The following TRIM9 variants were observed in gnomAD, a reference collection of about 807,000 sequenced individuals.
TRIM9 encodes tripartite motif containing 9, also known as E3 ubiquitin-protein ligase TRIM9.
A neutral mutation model predicts 78.3 loss-of-function variants in TRIM9; 26 were observed. The ratio of observed to expected loss-of-function variants is 0.33; its 90% CI spans 0.24 to 0.46. The LOEUF is 0.46. TRIM9 is among the 20% of genes least tolerant of loss of function. The pLI is 1.00. For missense variants in TRIM9, 787 were observed against 1,036.4 expected, an observed-to-expected ratio of 0.76 and a Z score of 3.30; for synonymous variants, 398 against 416.5, an observed-to-expected ratio of 0.96 and a Z score of 0.54.
At chr14:51,081,763 T>C (rs1485998457) in intron 1 of TRIM9, among the ~76,000 whole-genome samples, 3 of 152,200 alleles carry the variant, frequency 2.0e-5, no homozygotes, top group African/African-American at 7.2e-5. Context: ...ACTTTACTTA[T>C]ATTTACTGGT....
intron 3 of TRIM9, among the ~76,000 whole-genome samples, chr14:51,014,651 T>C (rs150357335): frequency 3.1e-4 from 47 of 152,322 alleles, no homozygotes; most frequent in Non-Finnish European, 2.1e-4. Flanking sequence ...TATAAATACT[T>C]TCTCTCTAGT....
chr14:51,067,582 C>G (rs1470760112), intron 1 of TRIM9, among the ~76,000 whole-genome samples: 1 of 152,208 alleles, frequency 6.6e-6, no homozygotes, highest in Non-Finnish European at 1.5e-5. Flanking sequence ...TCCCACTTTG[C>G]TGTAGCCCAC....
intron 8 of TRIM9, among the ~76,000 whole-genome samples, chr14:50,984,515 T>C (rs1246912564): frequency 6.6e-6 from 1 of 152,230 alleles, no homozygotes; most frequent in Non-Finnish European, 1.5e-5. Flanking sequence ...CAATTATCAC[T>C]TCAATTCCTA....
chr14:51,023,515 C>G (rs2057951554), intron 2 of TRIM9, among the ~76,000 whole-genome samples: 1 of 152,176 alleles, frequency 6.6e-6, no homozygotes, highest in Admixed American at 6.5e-5. Flanking sequence ...ATGTGTGTAA[C>G]AGGGATCACC....
At chr14:51,040,527 G>C (rs959428373) in intron 1 of TRIM9, among the ~76,000 whole-genome samples, 2 of 152,172 alleles carry the variant, frequency 1.3e-5, no homozygotes, top group African/African-American at 2.4e-5. Context: ...GGAGTGACTG[G>C]AGCCCTGGAG....
intron 3 of TRIM9, among the ~76,000 whole-genome samples, chr14:51,022,466 A>G (rs935421341): frequency 6.6e-6 from 1 of 152,218 alleles, no homozygotes; most frequent in African/African-American, 2.4e-5. Context: ...ATTATTTATA[A>G]TCACCCAGTC....
intron 7 of TRIM9, among the ~76,000 whole-genome samples, chr14:50,991,973 C>A (rs1373194292): frequency 6.6e-6 from 1 of 152,148 alleles, no homozygotes; most frequent in Non-Finnish European, 1.5e-5. Flanking sequence ...ATGCCACTGG[C>A]CCCAGGGCAC....
chr14:51,017,573 G>A (rs1462796576), intron 3 of TRIM9, among the ~76,000 whole-genome samples: 1 of 152,254 alleles, frequency 6.6e-6, no homozygotes. Flanking sequence ...ATATTGGGCA[G>A]TCCCAACCAC....
intron 1 of TRIM9, among the ~76,000 whole-genome samples, chr14:51,079,668 A>G (rs1162054188): frequency 6.6e-6 from 1 of 152,196 alleles, no homozygotes; most frequent in Non-Finnish European, 1.5e-5. Flanking sequence ...AACTGTCAGC[A>G]CTGGGATCTT....
chr14:51,057,256 T>A (rs1349575831), intron 1 of TRIM9, among the ~76,000 whole-genome samples: 1 of 152,248 alleles, frequency 6.6e-6, no homozygotes, highest in Non-Finnish European at 1.5e-5. Context: ...AATGAATTGT[T>A]CTATTACTGC....
At chr14:51,027,813 TC>T (rs2058388392) in intron 1 of TRIM9, among the ~76,000 whole-genome samples, 1 of 150,788 alleles carries the variant, frequency 6.6e-6, no homozygotes. Context: ...AAATTTTTTT[TC>T]ATTGTTACTT....
chr14:51,037,058 T>A (rs1330148932), intron 1 of TRIM9, among the ~76,000 whole-genome samples: 1 of 152,204 alleles, frequency 6.6e-6, no homozygotes, highest in African/African-American at 2.4e-5. Flanking sequence ...TTACTATCTT[T>A]CATCCCATGT....
chr14:51,082,947 T>C (rs973085306), intron 1 of TRIM9, among the ~76,000 whole-genome samples: 2 of 152,204 alleles, frequency 1.3e-5, no homozygotes, highest in Admixed American at 6.5e-5. Flanking sequence ...GTCTTGGCAC[T>C]TGTGAACTGT....
intron 1 of TRIM9, among the ~76,000 whole-genome samples, chr14:51,030,559 TGTGTGTGTGTGTATGAGTGTGCATATG>T (rs1460984354): frequency 1.3e-5 from 2 of 151,510 alleles, no homozygotes; most frequent in South Asian, 2.1e-4. Flanking sequence ...GGACAAAGGA[TGTGTGTGTGTGTATGAGTGTGCATATG>T]GTGTGTGTGT....
chr14:51,091,604 G>T (rs77712910), intron 1 of TRIM9, among the ~76,000 whole-genome samples: 3 of 152,106 alleles, frequency 2.0e-5, no homozygotes, highest in Non-Finnish European at 4.4e-5. Flanking sequence ...AAATAAGGTG[G>T]GGGAGTAATG....
chr14:50,987,944 G>A (rs1432104327), intron 7 of TRIM9, among the ~76,000 whole-genome samples: 1 of 152,096 alleles, frequency 6.6e-6, no homozygotes, highest in East Asian at 1.9e-4. Context: ...GGGACTACAG[G>A]CGTGAGCCAT....
intron 3 of TRIM9, among the ~76,000 whole-genome samples, chr14:51,014,556 T>C (rs1726870634): frequency 6.6e-6 from 1 of 152,232 alleles, no homozygotes; most frequent in South Asian, 2.1e-4. Context: ...GCCCTGTAAT[T>C]AACTTAGAGT....
chr14:51,067,831 A>G (rs1258260540), intron 1 of TRIM9, among the ~76,000 whole-genome samples: 1 of 151,370 alleles, frequency 6.6e-6, no homozygotes, highest in African/African-American at 2.4e-5. Context: ...TTTTCCTCAC[A>G]GCACCAGCCC....
chr14:51,016,479 C>G (rs539262931), intron 3 of TRIM9, among the ~76,000 whole-genome samples: 1 of 149,762 alleles, frequency 6.7e-6, no homozygotes, highest in African/African-American at 2.5e-5. Flanking sequence ...CCCCTACCCC[C>G]CTGCAGCTCT....
Sources: gnomAD v4.1 joint callset for allele counts (sites outside exome capture counted in the v4.1 genomes callset) on GRCh38, gnomAD v4.1.1 for gene constraint, MANE v1.5 for transcripts, NCBI Gene and HGNC (gene_info 2026-07-23, HGNC 2026-07-21) for gene names.